The following SLC15A2 variants were observed in gnomAD, a reference collection of about 807,000 sequenced individuals.
SLC15A2 encodes the protein kidney H(+)/peptide cotransporter.
In SLC15A2, 77 loss-of-function variants were observed where a neutral mutation model predicts 95.5. The ratio of observed to expected loss-of-function variants is 0.81; its 90% CI spans 0.67 to 0.97. The LOEUF is 0.97. Among genes scored for constraint, SLC15A2 ranks in the 50% least tolerant of loss-of-function variants. The pLI is 0.00. For missense variants in SLC15A2, 893 were observed against 874.4 expected, an observed-to-expected ratio of 1.02 and a Z score of -0.27; for synonymous variants, 306 against 306.9, an observed-to-expected ratio of 1.00 and a Z score of 0.03.
intron 15 of SLC15A2, 32 bp downstream of exon 15, chr3:121,928,587 C>A (rs2107602941): frequency 6.2e-7 from 1 of 1,605,210 alleles, no homozygotes; most frequent in South Asian, 1.1e-5. Context: ...ATTAGAAACT[C>A]TGTATGCTAT....
chr3:121,905,400 T>G (rs546488943), intron 3 of SLC15A2, among the ~76,000 whole-genome samples: 1 of 152,152 alleles, frequency 6.6e-6, no homozygotes, highest in African/African-American at 2.4e-5. Flanking sequence ...GCTTTTGAAT[T>G]TGTTTGCTCT....
In SLC15A2 at chr3:121,897,410, G is replaced by A. The variant is rs555750085; in HGVS notation, c.216G>A (p.Leu72=). 2.5e-6 allele frequency: 4 copies of A among 1,613,410 alleles called. No homozygotes were observed. The highest frequency in any genetic ancestry group is 4.5e-5 in the East Asian group (2 of 44,816). ...GMKAVLILYF[L]YFLHWNEDTS... ...CAGCTGTGCTGATCCTGTATTTCCTGTATTTCCTGCACTGGAATGAAGATA... is the reference window on the plus strand; with the variant it reads ...CAGCTGTGCTGATCCTGTATTTCCTATATTTCCTGCACTGGAATGAAGATA... The change falls in exon 3 of 22, where the codon CTG becomes CTA. Residue 72 remains leucine, a synonymous_variant. Coordinates refer to ENST00000489711, the MANE Select transcript of SLC15A2 (RefSeq NM_021082.4).
At chr3:121,930,393 T>C (rs1209816997) in intron 17 of SLC15A2, among the ~76,000 whole-genome samples, 3 of 152,218 alleles carry the variant, frequency 2.0e-5, no homozygotes, top group African/African-American at 7.2e-5. Flanking sequence ...ACTTCATTTA[T>C]AAGAGGATAA....
chr3:121,924,909 T>A, intron 12 of SLC15A2, 36 bp from the exon 13 acceptor site: 7 of 1,426,456 alleles, frequency 4.9e-6, no homozygotes, highest in Non-Finnish European at 6.9e-6. Flanking sequence ...GATAGGAGAA[T>A]ATTTGTAGCT....
intron 1 of SLC15A2, 58 bp downstream of exon 1, chr3:121,894,639 C>T: frequency 7.6e-7 from 1 of 1,322,034 alleles, no homozygotes; most frequent in Non-Finnish European, 1.1e-6. Flanking sequence ...TTTTGGCTCT[C>T]TTCCTTGGGC....
At position 121,940,968 on chromosome 3, in the gene SLC15A2, G is replaced by A. The variant is rs760311646; in HGVS notation, c.2151G>A (p.Gly717=). ...ATAAGCACATTCCTCACATCCAGGG[G>A]AACATGATCAAACTAGAGACCAAGA... is the stretch of plus-strand genomic sequence containing the variant. ...PADKHIPHIQ[G]NMIKLETKKT... The change falls in exon 22 of 22, where the codon GGG becomes GGA. Residue 717 remains glycine, a synonymous_variant. Coordinates refer to ENST00000489711, the MANE Select transcript of SLC15A2 (RefSeq NM_021082.4). 1.0e-4 allele frequency: 169 copies of A among 1,613,922 alleles called. 1 individual carries two copies. In the South Asian group the frequency reaches 1.8e-3, roughly 17 times the overall value.
At position 121,900,336 on chromosome 3, in the gene SLC15A2, A is replaced by G. The variant is rs1172079545; in HGVS notation, c.335+2807A>G. ...AACATCCACTGCATTAGTTGCCATC[A>G]CCCAGTTTTGGTCTTCATTGTCTCA... On this transcript the variant is annotated intron_variant, in intron 3 of 21. Transcript: ENST00000489711. Among the ~76,000 whole-genome samples the G allele has an allele frequency of 2.6e-5, 4 of 152,260 alleles. No individual in the cohort carries two copies. In the East Asian group the frequency reaches 7.7e-4, roughly 29 times the overall value.
chr3:121,916,178 T>C (rs1052434278), intron 7 of SLC15A2, among the ~76,000 whole-genome samples: 3 of 152,206 alleles, frequency 2.0e-5, no homozygotes, highest in Non-Finnish European at 4.4e-5. Flanking sequence ...TGCTCTGTAG[T>C]GCCCCCAAAG....
At chr3:121,940,551 C>T in intron 21 of SLC15A2, 63 bp downstream of exon 21, 4 of 1,328,868 alleles carry the variant, frequency 3.0e-6, no homozygotes, top group Non-Finnish European at 4.3e-6. Flanking sequence ...TTTCTCTTCT[C>T]CCTTTCCCCC....
intron 19 of SLC15A2, 111 bp downstream of exon 19, chr3:121,931,846 C>A (rs557861354): frequency 1.6e-6 from 1 of 631,056 alleles, no homozygotes. Context: ...AAAGCAGACA[C>A]GTATATTTAT....
In SLC15A2 at chr3:121,940,406, T is replaced by C. The variant is rs1710438063; in HGVS notation, c.1931T>C (p.Val644Ala). 2 of 1,614,088 alleles carry C rather than the reference T, an allele frequency of 1.2e-6. No homozygotes were observed. The highest frequency in any genetic ancestry group is 4.5e-5 in the East Asian group (2 of 44,880). Residue 644 changes from valine (V) to alanine (A), a missense_variant, in exon 21 of 22, where the codon GTG (valine) becomes GCG (alanine). Physicochemically the swap from Val to Ala is moderately conservative, Grantham distance 64. Coordinates refer to ENST00000489711, the MANE Select transcript of SLC15A2 (RefSeq NM_021082.4). ...YSQAPSSMKSVLQAAWLLTIA... is the reference protein window; with the variant it reads ...YSQAPSSMKSALQAAWLLTIA... The stretch of plus-strand genomic sequence containing the variant: ...CAGGCTCCCTCTAGCATGAAATCTG[T>C]GCTCCAGGCAGCTTGGCTATTGACA...
At chr3:121,936,530 T>C (rs959812409) in intron 19 of SLC15A2, among the ~76,000 whole-genome samples, 2 of 151,990 alleles carry the variant, frequency 1.3e-5, no homozygotes, top group African/African-American at 2.4e-5. Flanking sequence ...TGGCCTTCTT[T>C]GTCTCTTTTG....
At chr3:121,916,914 G>T (rs981009259) in intron 7 of SLC15A2, among the ~76,000 whole-genome samples, 16 of 151,972 alleles carry the variant, frequency 1.1e-4, no homozygotes, top group Non-Finnish European at 4.4e-5. Flanking sequence ...TCCACGTCCC[G>T]GGTTCACGCC....
Position 121,894,468 on chromosome 3 carries a change from G to A in SLC15A2, c.-9G>A, listed in dbSNP as rs1480026099. Reference sequence around the variant, plus strand: ...TGCTTGAGGAGAGAGAGAGAGTAAGGAGCCAGCCATGAATCCTTTCCAGAA... The same window carrying A: ...TGCTTGAGGAGAGAGAGAGAGTAAGAAGCCAGCCATGAATCCTTTCCAGAA... On this transcript the variant is annotated 5_prime_UTR_variant, in exon 1 of 22. Coordinates refer to ENST00000489711, the MANE Select transcript of SLC15A2 (RefSeq NM_021082.4). The A allele has an allele frequency of 6.2e-7, 1 of 1,609,684 alleles. No homozygotes were observed. Among genetic ancestry groups the A allele is most frequent in the Non-Finnish European group, 8.5e-7 (1 of 1,177,152 alleles).
intron 3 of SLC15A2, 138 bp downstream of exon 3, chr3:121,897,667 G>A: frequency 2.6e-6 from 2 of 777,644 alleles, no homozygotes; most frequent in African/African-American, 1.8e-5. Flanking sequence ...TCTGTGTAGT[G>A]TGGGAAATTT....
intron 19 of SLC15A2, among the ~76,000 whole-genome samples, chr3:121,937,603 T>C (rs905813485): frequency 1.3e-5 from 2 of 151,804 alleles, no homozygotes; most frequent in Non-Finnish European, 2.9e-5. Context: ...CGAGCCTTGG[T>C]TTTCAGCTCC....
intron 19 of SLC15A2, among the ~76,000 whole-genome samples, chr3:121,938,746 A>G (rs9868185): frequency 0.44 from 67,228 of 152,014 alleles, 15,406 homozygotes; most frequent in East Asian, 0.7. Context: ...CACGCTGGGA[A>G]CTGTAGACCG....
chr3:121,915,202 T>G (rs1294822473), intron 5 of SLC15A2, 25 bp from the exon 6 acceptor site: 1 of 1,567,528 alleles, frequency 6.4e-7, no homozygotes, highest in Non-Finnish European at 8.8e-7. Context: ...CACATTGCAC[T>G]GATGATTTAT....
At chr3:121,915,110 G>C in intron 5 of SLC15A2, 117 bp from the exon 6 acceptor site, 2 of 1,096,392 alleles carry the variant, frequency 1.8e-6, no homozygotes, top group Non-Finnish European at 2.6e-6. Flanking sequence ...TTCAGGTATT[G>C]TGGAGGCAAT....
Sources: gnomAD v4.1 joint callset for allele counts (sites outside exome capture counted in the v4.1 genomes callset) on GRCh38, gnomAD v4.1.1 for gene constraint, MANE v1.5 for transcripts, NCBI Gene and HGNC (gene_info 2026-07-23, HGNC 2026-07-21) for gene names.